RGS8: variants seen among roughly 807,000 people sequenced by gnomAD.
RGS8 encodes the protein regulator of G protein signaling 8.
Under a neutral mutation model 21.7 loss-of-function variants are expected in RGS8, and 8 were observed. That is an observed-to-expected ratio of 0.37 (90% confidence interval 0.22 to 0.66). RGS8 has a LOEUF of 0.66. Ranked by LOEUF, RGS8 falls within the 30% of genes least tolerant of loss-of-function variation. RGS8 has a pLI of 0.59. For missense variants in RGS8, 157 were observed against 217.9 expected (o/e 0.72, Z 1.76); for synonymous variants, 80 against 83.6 (o/e 0.96, Z 0.24).
chr1:182,668,595 C>T (rs946981282), intron 3 of RGS8, among the ~76,000 whole-genome samples: 1 of 152,172 alleles, frequency 6.6e-6, no homozygotes, highest in Non-Finnish European at 1.5e-5. Context: ...TCTGAAGAGC[C>T]TCCTAGGGCT....
chr1:182,712,058 T>C, the RGS8 span, among the ~76,000 whole-genome samples: 1 of 152,184 alleles, frequency 6.6e-6, no homozygotes, highest in Non-Finnish European at 1.5e-5. Flanking sequence ...ACAATAACCC[T>C]GCAAAGTGAA....
At chr1:182,711,351 T>C in the RGS8 span, among the ~76,000 whole-genome samples, 1 of 152,238 alleles carries the variant, frequency 6.6e-6, no homozygotes, top group Non-Finnish European at 1.5e-5. Context: ...TTGTCTATCA[T>C]TCTGCCATTA....
chr1:182,740,191 T>A, the RGS8 span, among the ~76,000 whole-genome samples: 1 of 152,324 alleles, frequency 6.6e-6, no homozygotes, highest in African/African-American at 2.4e-5. Context: ...ACCACCCAAC[T>A]GGCCTGCTGT....
the RGS8 span, among the ~76,000 whole-genome samples, chr1:182,717,167 C>A: frequency 6.6e-6 from 1 of 152,162 alleles, no homozygotes; most frequent in Non-Finnish European, 1.5e-5. Flanking sequence ...TGAGAAAATG[C>A]CTGGTACATT....
the RGS8 span, among the ~76,000 whole-genome samples, chr1:182,693,468 T>C: frequency 1.3e-5 from 2 of 152,014 alleles, no homozygotes; most frequent in African/African-American, 4.8e-5. Context: ...ATCAAAAAAA[T>C]AATAGATGTT....
exon 4 of RGS8, chr1:182,666,886 G>C: frequency 6.2e-7 from 1 of 1,613,896 alleles, no homozygotes; most frequent in Non-Finnish European, 8.5e-7. Flanking sequence ...GAGCGCGGTT[G>C]GGTTTGTCTG....
chr1:182,685,113 C>A (rs1182185159), upstream of RGS8, among the ~76,000 whole-genome samples: 1 of 150,256 alleles, frequency 6.7e-6, no homozygotes, highest in East Asian at 1.9e-4. Flanking sequence ...AAAAATTAGA[C>A]ATGAAAGAGT....
upstream of RGS8, among the ~76,000 whole-genome samples, chr1:182,686,087 G>A (rs1020109053): frequency 6.6e-6 from 1 of 152,168 alleles, no homozygotes; most frequent in Admixed American, 6.5e-5. Flanking sequence ...ACATGTGGAT[G>A]TCGACAAGCA....
the RGS8 span, among the ~76,000 whole-genome samples, chr1:182,747,446 A>G: frequency 1.3e-5 from 2 of 152,172 alleles, no homozygotes; most frequent in African/African-American, 2.4e-5. Context: ...GTGCTGTAAC[A>G]TAAGGGGTAG....
At chr1:182,675,571 G>A (rs1293796324), upstream of RGS8, among the ~76,000 whole-genome samples, 1 of 152,100 alleles carries the variant, frequency 6.6e-6, no homozygotes, top group Non-Finnish European at 1.5e-5. Flanking sequence ...AGTTTGTCCC[G>A]TTTGCCTATC....
upstream of RGS8, among the ~76,000 whole-genome samples, chr1:182,676,893 C>T (rs1442197637): frequency 2.6e-5 from 4 of 152,118 alleles, no homozygotes; most frequent in African/African-American, 9.7e-5. Flanking sequence ...CTGTAAAACA[C>T]AAATTAACAC....
At chr1:182,751,147 AC>A in the RGS8 span, among the ~76,000 whole-genome samples, 662 of 152,352 alleles carry the variant, frequency 4.3e-3, 4 homozygotes, top group African/African-American at 0.015. Context: ...TGAAGATAGA[AC>A]TAAACAGAAA....
the RGS8 span, among the ~76,000 whole-genome samples, chr1:182,722,092 C>T: frequency 6.6e-6 from 1 of 152,036 alleles, no homozygotes; most frequent in Non-Finnish European, 1.5e-5. Flanking sequence ...CTTTACATAA[C>T]TTGGGACGTA....
At chr1:182,658,385 T>C (rs186549535) in intron 5 of RGS8, 1 of 152,232 alleles carries the variant, frequency 6.6e-6, no homozygotes, top group African/African-American at 2.4e-5. Context: ...CTTGGAAAAA[T>C]ACAAGAGCAC....
At chr1:182,731,040 AG>A in the RGS8 span, among the ~76,000 whole-genome samples, 1 of 152,184 alleles carries the variant, frequency 6.6e-6, no homozygotes, top group East Asian at 1.9e-4. Context: ...TCTAAAGAAA[AG>A]AGTTTATCTG....
chr1:182,681,506 G>C (rs752565), intron 1 of RGS8, among the ~76,000 whole-genome samples: 5,676 of 152,266 alleles, frequency 0.037, 359 homozygotes, highest in African/African-American at 0.13. Flanking sequence ...ATTCTAGCCA[G>C]ACACCTAGAA....
chr1:182,709,870 A>C, the RGS8 span, among the ~76,000 whole-genome samples: 1,709 of 152,306 alleles, frequency 0.011, 30 homozygotes, highest in African/African-American at 0.039. Context: ...TCATTATGTC[A>C]AATAAATGTG....
chr1:182,681,377 C>A (rs953998627), intron 1 of RGS8, among the ~76,000 whole-genome samples: 2 of 152,244 alleles, frequency 1.3e-5, no homozygotes, highest in African/African-American at 4.8e-5. Context: ...GAGTCTACAG[C>A]TGTGGGCAGA....
chr1:182,750,446 C>T, the RGS8 span, among the ~76,000 whole-genome samples: 3 of 152,108 alleles, frequency 2.0e-5, no homozygotes, highest in Admixed American at 6.6e-5. Flanking sequence ...GATACTTAAA[C>T]CCATTGGCAA....
Sources: allele counts gnomAD v4.1 joint callset (sites outside exome capture counted in the v4.1 genomes callset), GRCh38; gene constraint gnomAD v4.1.1; transcripts MANE v1.5; gene names NCBI Gene and HGNC (gene_info 2026-07-23, HGNC 2026-07-21).